ARHGEF7: variants seen among roughly 807,000 people sequenced by gnomAD.
The protein encoded by ARHGEF7 is PAK-interacting exchange factor beta.
Under a neutral mutation model 109.8 loss-of-function variants are expected in ARHGEF7, and 33 were observed. The ratio of observed to expected loss-of-function variants is 0.30; its 90% CI spans 0.23 to 0.40. The LOEUF (loss-of-function observed/expected upper bound fraction) is 0.40. Ranked by LOEUF, ARHGEF7 falls within the 10% of genes least tolerant of loss-of-function variation. The probability of loss-of-function intolerance (pLI) is 1.00; values close to 1 mark genes in which losing one functional copy is unlikely to be tolerated. For missense variants in ARHGEF7, 938 were observed against 1,098.5 expected (o/e 0.85, Z 2.07); for synonymous variants, 458 against 424.6 (o/e 1.08, Z -0.97).
At position 111,255,977 on chromosome 13, in the gene ARHGEF7, G is replaced by A. The variant is rs1418396331; in HGVS notation, c.951-11571G>A. ...AATGAATTGGTATGATATTTCATTCGTTGTCTGGATCTTTTTAATGTCGAT... is the reference window on the plus strand; with the variant it reads ...AATGAATTGGTATGATATTTCATTCATTGTCTGGATCTTTTTAATGTCGAT... On this transcript the variant is annotated intron_variant, in intron 8 of 21. Coordinates refer to ENST00000646102, the MANE Select transcript of ARHGEF7 (RefSeq NM_001354046.2). The surrounding 1 kb of genome is among the most constrained non-coding windows in gnomAD (Gnocchi z 4.1). Among the ~76,000 whole-genome samples the A allele has an allele frequency of 2.6e-5, 4 of 152,172 alleles. No individual in the cohort carries two copies. The highest frequency in any genetic ancestry group is 9.7e-5 in the African/African-American group (4 of 41,432).
At chr13:111,289,776 C>G (rs1342872491) in intron 18 of ARHGEF7, among the ~76,000 whole-genome samples, 2 of 145,874 alleles carry the variant, frequency 1.4e-5, no homozygotes, top group Non-Finnish European at 3.0e-5. Context: ...TTCACGGAAT[C>G]TCGATTATCC....
chr13:111,210,681 G>A (rs1027720899), intron 4 of ARHGEF7, among the ~76,000 whole-genome samples: 7 of 152,160 alleles, frequency 4.6e-5, no homozygotes, highest in African/African-American at 1.7e-4. Flanking sequence ...GCAGAGCCAG[G>A]GCTGCCACTC....
intron 2 of ARHGEF7, among the ~76,000 whole-genome samples, chr13:111,175,851 G>A (rs1053098407): frequency 3.3e-5 from 5 of 152,204 alleles, no homozygotes; most frequent in African/African-American, 9.6e-5. Flanking sequence ...CAGGGCTGGG[G>A]AGGTCCCAGG....
chr13:111,166,555 A>G (rs1407974859), intron 2 of ARHGEF7, among the ~76,000 whole-genome samples: 1 of 152,244 alleles, frequency 6.6e-6, no homozygotes, highest in East Asian at 1.9e-4. Flanking sequence ...CAGCATAGGT[A>G]GCAGGAGAGA....
chr13:111,299,055 C>T (rs1045169980), intron 19 of ARHGEF7, among the ~76,000 whole-genome samples: 3 of 152,188 alleles, frequency 2.0e-5, no homozygotes, highest in South Asian at 2.1e-4. Context: ...CTTATGCCCG[C>T]GAGGATGAAG....
intron 5 of ARHGEF7, among the ~76,000 whole-genome samples, chr13:111,221,975 TA>T (rs2153506244): frequency 6.6e-6 from 1 of 152,240 alleles, no homozygotes; most frequent in South Asian, 2.1e-4. Context: ...GAGAAAGATG[TA>T]GGCTGGGAGG....
At chr13:111,155,503 G>C (rs562229519) in intron 2 of ARHGEF7, among the ~76,000 whole-genome samples, 1 of 152,182 alleles carries the variant, frequency 6.6e-6, no homozygotes. Flanking sequence ...AAGAAACTTA[G>C]GGCCTTTTCA....
chr13:111,161,218 ATG>A (rs2076716099), intron 2 of ARHGEF7, among the ~76,000 whole-genome samples: 1 of 152,172 alleles, frequency 6.6e-6, no homozygotes, highest in South Asian at 2.1e-4. Context: ...TGGGTGCTAA[ATG>A]GTTAGCTTGG....
intron 2 of ARHGEF7, among the ~76,000 whole-genome samples, chr13:111,204,531 T>C (rs548061595): frequency 6.6e-6 from 1 of 152,328 alleles, no homozygotes; most frequent in East Asian, 1.9e-4. Context: ...GCTGTGTGTG[T>C]GCACACGCGT....
intron 13 of ARHGEF7, among the ~76,000 whole-genome samples, chr13:111,278,531 G>T (rs2092614910): frequency 6.6e-6 from 1 of 152,210 alleles, no homozygotes; most frequent in Non-Finnish European, 1.5e-5. Flanking sequence ...GACACCCAGA[G>T]AGGACTTGTG....
intron 9 of ARHGEF7, among the ~76,000 whole-genome samples, chr13:111,269,096 G>T (rs1483976091): frequency 1.3e-5 from 2 of 152,174 alleles, no homozygotes. Flanking sequence ...GGGAGCGTGG[G>T]CCATGTCCGC....
chr13:111,234,402 C>A (rs914077927), intron 6 of ARHGEF7, among the ~76,000 whole-genome samples: 1 of 152,116 alleles, frequency 6.6e-6, no homozygotes, highest in Admixed American at 6.5e-5. Context: ...GCCTGGGGAC[C>A]CACTCATTAA....
intron 1 of ARHGEF7, among the ~76,000 whole-genome samples, chr13:111,133,179 G>A (rs550636485): frequency 1.3e-5 from 2 of 151,878 alleles, no homozygotes; most frequent in Admixed American, 6.5e-5. Flanking sequence ...ATATGTGCAC[G>A]TGTATGTATG....
In ARHGEF7 at chr13:111,131,106, C is replaced by T. The variant is rs553203614; in HGVS notation, c.165+15415C>T. On this transcript the variant is annotated intron_variant, in intron 1 of 21. Transcript: ENST00000646102. This position sits in a 1 kb window ranked among gnomAD's most constrained non-coding sequence, Gnocchi z 4.4. ...TGTGCTTTGAAAACAATACTCTAGC[C>T]ATAGCGTGGAGAACAGATGAAATGA... is the stretch of plus-strand genomic sequence containing the variant. 5.9e-5 allele frequency among the ~76,000 whole-genome samples: 9 copies of T among 152,286 alleles called. No individual in the cohort carries two copies. The South Asian group carries it at 1.7e-3, about 28-fold the overall frequency.
intron 18 of ARHGEF7, 97 bp from the exon 19 acceptor site, chr13:111,292,021 C>G: frequency 1.0e-6 from 1 of 1,000,376 alleles, no homozygotes; most frequent in Middle Eastern, 3.2e-4. Context: ...TTCCCATCAC[C>G]TTTTGCTTTT....
At chr13:111,235,550 G>T (rs181663131) in intron 6 of ARHGEF7, among the ~76,000 whole-genome samples, 129 of 152,252 alleles carry the variant, frequency 8.5e-4, no homozygotes, top group African/African-American at 3.0e-3. Context: ...ATAGCACATG[G>T]TAAAATTACA....
intron 5 of ARHGEF7, among the ~76,000 whole-genome samples, chr13:111,225,381 C>T (rs1287342928): frequency 1.3e-5 from 2 of 152,278 alleles, no homozygotes; most frequent in East Asian, 3.9e-4. Flanking sequence ...CAGCCCTGAT[C>T]CAGGGAGAGG....
intron 1 of ARHGEF7, among the ~76,000 whole-genome samples, chr13:111,141,437 A>G (rs2075343655): frequency 6.6e-6 from 1 of 150,802 alleles, no homozygotes; most frequent in African/African-American, 2.5e-5. Context: ...ATGTAGTGCG[A>G]GCTATGGGGG....
At chr13:111,302,859 C>T (rs1360760459) in intron 21 of ARHGEF7, 132 bp from the exon 22 acceptor site, 1 of 1,189,506 alleles carries the variant, frequency 8.4e-7, no homozygotes, top group East Asian at 2.4e-5. Context: ...CCCACGACCT[C>T]AGAGCCCATA....
Sources: gnomAD v4.1 joint callset for allele counts (sites outside exome capture counted in the v4.1 genomes callset) on GRCh38, gnomAD v4.1.1 for gene constraint, Gnocchi (gnomAD v3.1) non-coding constraint, MANE v1.5 for transcripts, NCBI Gene and HGNC (gene_info 2026-07-23, HGNC 2026-07-21) for gene names.